HS3ST4: variants seen among roughly 807,000 people sequenced by gnomAD.
The protein encoded by HS3ST4 is heparan sulfate glucosamine 3-O-sulfotransferase 4.
In HS3ST4, 17 loss-of-function variants were observed where a neutral mutation model predicts 29.2. The ratio of observed to expected loss-of-function variants is 0.58; its 90% CI spans 0.40 to 0.87. HS3ST4 has a LOEUF of 0.87. Among genes scored for constraint, HS3ST4 ranks in the 40% least tolerant of loss-of-function variants. The probability of loss-of-function intolerance (pLI) is 0.00; values close to 1 mark genes in which losing one functional copy is unlikely to be tolerated. For missense variants in HS3ST4, 627 were observed against 634.5 expected, an observed-to-expected ratio of 0.99 and a Z score of 0.13; for synonymous variants, 314 against 285.7, an observed-to-expected ratio of 1.10 and a Z score of -1.00.
At chr16:25,983,635 CT>C (rs1157044342) in intron 1 of HS3ST4, among the ~76,000 whole-genome samples, 9 of 152,230 alleles carry the variant, frequency 5.9e-5, no homozygotes, top group African/African-American at 2.2e-4. Flanking sequence ...CCAGATTCAA[CT>C]GTGTCTTACT....
intron 1 of HS3ST4, among the ~76,000 whole-genome samples, chr16:26,076,509 G>A (rs978498703): frequency 7.9e-5 from 12 of 152,170 alleles, no homozygotes; most frequent in African/African-American, 2.9e-4. Flanking sequence ...AGCATAAGGT[G>A]GGGGATAAGG....
At chr16:25,715,049 G>A (rs1055193314) in intron 1 of HS3ST4, among the ~76,000 whole-genome samples, 5 of 151,944 alleles carry the variant, frequency 3.3e-5, no homozygotes, top group African/African-American at 4.8e-5. Flanking sequence ...CCGGCCGGGC[G>A]CGGTGGCTCA....
intron 1 of HS3ST4, among the ~76,000 whole-genome samples, chr16:25,868,061 A>G (rs567246699): frequency 2.0e-5 from 3 of 152,182 alleles, no homozygotes; most frequent in African/African-American, 7.2e-5. Context: ...TAAGGCAATA[A>G]AGGCCCTAGG....
At chr16:25,711,389 C>T (rs1014196163) in intron 1 of HS3ST4, among the ~76,000 whole-genome samples, 2 of 151,988 alleles carry the variant, frequency 1.3e-5, no homozygotes, top group East Asian at 3.9e-4. Context: ...AAAAAAAATC[C>T]CTTCCGCCTG....
At chr16:26,085,691 C>A (rs757024335) in intron 1 of HS3ST4, among the ~76,000 whole-genome samples, 1 of 151,856 alleles carries the variant, frequency 6.6e-6, no homozygotes, top group East Asian at 1.9e-4. Flanking sequence ...GGCAACATAG[C>A]GAGACCCTGT....
At chr16:25,946,438 G>A (rs866151689) in intron 1 of HS3ST4, among the ~76,000 whole-genome samples, 1 of 152,184 alleles carries the variant, frequency 6.6e-6, no homozygotes. Context: ...GATTAGTTAT[G>A]TTCTTGTGTG....
intron 1 of HS3ST4, among the ~76,000 whole-genome samples, chr16:25,921,780 G>C (rs1968357483): frequency 6.7e-6 from 1 of 150,340 alleles, no homozygotes; most frequent in African/African-American, 2.5e-5. Context: ...TTTGAGACAG[G>C]GTTCTGCTCT....
At chr16:26,117,186 T>A (rs1431165539) in intron 1 of HS3ST4, among the ~76,000 whole-genome samples, 1 of 152,210 alleles carries the variant, frequency 6.6e-6, no homozygotes, top group Admixed American at 6.5e-5. Context: ...CCTACAGAGT[T>A]GTGGTGACTT....
chr16:26,100,038 T>A (rs997840740), intron 1 of HS3ST4, among the ~76,000 whole-genome samples: 5 of 152,110 alleles, frequency 3.3e-5, no homozygotes, highest in Admixed American at 6.5e-5. Flanking sequence ...CTCACAACAG[T>A]GGAGCCTGGA....
At chr16:26,009,487 G>C (rs1969290790) in intron 1 of HS3ST4, among the ~76,000 whole-genome samples, 1 of 152,216 alleles carries the variant, frequency 6.6e-6, no homozygotes, top group East Asian at 1.9e-4. Context: ...GCTAGCCTTT[G>C]CTGCAGTAAG....
At chr16:25,854,585 A>C (rs1024677604) in intron 1 of HS3ST4, among the ~76,000 whole-genome samples, 1 of 152,086 alleles carries the variant, frequency 6.6e-6, no homozygotes, top group African/African-American at 2.4e-5. Flanking sequence ...AGTAGGTCTC[A>C]GCCTTATGTA....
At chr16:26,086,432 C>T (rs1898788063) in intron 1 of HS3ST4, among the ~76,000 whole-genome samples, 1 of 152,014 alleles carries the variant, frequency 6.6e-6, no homozygotes, top group Non-Finnish European at 1.5e-5. Flanking sequence ...TCACTGCAAG[C>T]TCCGCCTCCC....
chr16:26,077,325 A>G (rs988789418), intron 1 of HS3ST4, among the ~76,000 whole-genome samples: 10 of 152,206 alleles, frequency 6.6e-5, no homozygotes. Context: ...GCAAACCCAG[A>G]TTCAAGGAGA....
chr16:25,857,297 G>C (rs1223665794), intron 1 of HS3ST4, among the ~76,000 whole-genome samples: 4 of 152,170 alleles, frequency 2.6e-5, no homozygotes, highest in African/African-American at 9.6e-5. Flanking sequence ...TAATTATAAG[G>C]TGGCAGTTTG....
intron 1 of HS3ST4, among the ~76,000 whole-genome samples, chr16:25,881,793 GA>G (rs1431248379): frequency 6.6e-6 from 1 of 152,172 alleles, no homozygotes; most frequent in Non-Finnish European, 1.5e-5. Flanking sequence ...AGCCTCAGGG[GA>G]TGGGCTGTTA....
intron 1 of HS3ST4, among the ~76,000 whole-genome samples, chr16:25,899,108 G>A (rs1477574380): frequency 6.6e-6 from 1 of 152,088 alleles, no homozygotes; most frequent in Non-Finnish European, 1.5e-5. Context: ...CTCTGTTTTT[G>A]CATCTGCTGT....
At chr16:25,829,484 C>T (rs1026389121) in intron 1 of HS3ST4, among the ~76,000 whole-genome samples, 1 of 152,068 alleles carries the variant, frequency 6.6e-6, no homozygotes, top group Non-Finnish European at 1.5e-5. Flanking sequence ...ATACATGTAC[C>T]GTGGTGGTTT....
chr16:25,946,804 A>G (rs1263827593), intron 1 of HS3ST4, among the ~76,000 whole-genome samples: 1 of 152,140 alleles, frequency 6.6e-6, no homozygotes, highest in Non-Finnish European at 1.5e-5. Flanking sequence ...AGTGAGAGGT[A>G]AGTAGGCAAA....
chr16:25,834,642 T>A (rs962248934), intron 1 of HS3ST4, among the ~76,000 whole-genome samples: 1 of 151,984 alleles, frequency 6.6e-6, no homozygotes, highest in Admixed American at 6.6e-5. Context: ...GGGATGAATA[T>A]TTATAAGAAA....
Sources: allele counts gnomAD v4.1 joint callset (sites outside exome capture counted in the v4.1 genomes callset), GRCh38; gene constraint gnomAD v4.1.1; transcripts MANE v1.5; gene names NCBI Gene and HGNC (gene_info 2026-07-23, HGNC 2026-07-21).